The following TSNARE1 variants were observed in gnomAD, a reference collection of about 807,000 sequenced individuals.
TSNARE1 encodes t-SNARE domain containing 1, also known as t-SNARE domain-containing protein 1.
A neutral mutation model predicts 62.0 loss-of-function variants in TSNARE1; 49 were observed. The observed-to-expected ratio is 0.79, with a 90% CI of 0.63 to 1.00. The LOEUF is 1.00. TSNARE1 is among the 50% of genes least tolerant of loss of function. The pLI is 0.00. For synonymous variants in TSNARE1, 328 were observed against 294.4 expected (o/e 1.11, Z -1.17); for missense variants, 755 against 700.1 (o/e 1.08, Z -0.88).
chr8:142,385,192 C>T (rs1837030884), intron 1 of TSNARE1, among the ~76,000 whole-genome samples: 1 of 152,090 alleles, frequency 6.6e-6, no homozygotes, highest in Non-Finnish European at 1.5e-5. Context: ...TCTGAAACAA[C>T]ACTCGAGGTC....
intron 11 of TSNARE1, among the ~76,000 whole-genome samples, chr8:142,280,842 G>C (rs1332207557): frequency 6.6e-6 from 1 of 152,196 alleles, no homozygotes; most frequent in Non-Finnish European, 1.5e-5. Flanking sequence ...AGAGGAGGTG[G>C]TAAGGGAGTG....
In TSNARE1 at chr8:142,300,473, A is replaced by C; in HGVS notation, c.1290+13T>G. On this transcript the variant is annotated intron_variant, in intron 10 of 13. Coordinates refer to ENST00000524325, the MANE Select transcript of TSNARE1 (RefSeq NM_145003.5). Reference sequence around the variant, plus strand: ...GTGTGGAGAGTGAGCACGCTTGCCCACGCCAGCCTCACCTCCATCTGCAGG... The same window carrying C: ...GTGTGGAGAGTGAGCACGCTTGCCCCCGCCAGCCTCACCTCCATCTGCAGG... 6.3e-7 allele frequency: 1 copy of C among 1,596,008 alleles called. No individual in the cohort carries two copies. The highest frequency in any genetic ancestry group is 8.5e-7 in the Non-Finnish European group (1 of 1,175,318).
chr8:142,242,490 G>A (rs547766332), intron 12 of TSNARE1, among the ~76,000 whole-genome samples: 1 of 152,182 alleles, frequency 6.6e-6, no homozygotes, highest in Non-Finnish European at 1.5e-5. Context: ...CTGCAGAATG[G>A]GAGGAAATAT....
At position 142,315,070 on chromosome 8, in the gene TSNARE1, C is replaced by T. The variant is rs777694762; in HGVS notation, c.1007G>A (p.Arg336His). The stretch of plus-strand genomic sequence containing the variant: ...GGTTTTCAGCCGGTCCAGCTGAGGA[C>T]GCTCCTGCTGCAGACGCTCCTGCTG... ...SCPQERLQQE[R>H]PQLDRLKTQL... The change falls in exon 8 of 14, where the codon CGT (arginine) becomes CAT (histidine). Residue 336 changes from arginine to histidine, a missense_variant. Physicochemically the swap from Arg to His is conservative, Grantham distance 29. Transcript: ENST00000524325. 3.4e-5 allele frequency: 55 copies of T among 1,613,830 alleles called. No homozygotes were observed. The highest frequency in any genetic ancestry group is 1.6e-4 in the Middle Eastern group (1 of 6,080).
Position 142,330,897 on chromosome 8 carries a change from T to C in TSNARE1, c.893+4A>G. The C allele has an allele frequency of 6.2e-7, 1 of 1,613,944 alleles. No individual in the cohort carries two copies. On this transcript the variant is annotated splice_donor_region_variant and intron_variant, in intron 6 of 13. Coordinates refer to ENST00000524325, the MANE Select transcript of TSNARE1 (RefSeq NM_145003.5). ...CAAAGAGATACCATGGCCCACACACTCACAGGCTGTCCCGAAGCTCCTGCG... is the reference window on the plus strand; with the variant it reads ...CAAAGAGATACCATGGCCCACACACCCACAGGCTGTCCCGAAGCTCCTGCG...
chr8:142,233,745 C>G (rs144090275), intron 12 of TSNARE1, among the ~76,000 whole-genome samples: 13 of 152,294 alleles, frequency 8.5e-5, no homozygotes, highest in South Asian at 4.1e-4. Flanking sequence ...CCCTGCAGGG[C>G]GTACGCAAGG....
intron 2 of TSNARE1, among the ~76,000 whole-genome samples, chr8:142,351,726 A>T (rs535376883): frequency 1.3e-5 from 2 of 152,384 alleles, no homozygotes; most frequent in East Asian, 3.9e-4. Context: ...AACTATAGAA[A>T]TTAAGGTGGA....
At chr8:142,222,488 TCATC>T (rs1563755230) in intron 13 of TSNARE1, among the ~76,000 whole-genome samples, 2 of 21,338 alleles carry the variant, frequency 9.4e-5, no homozygotes, top group Non-Finnish European at 1.3e-4. Flanking sequence ...ACTCACTCAC[TCATC>T]CACTCACTCA....
chr8:142,344,490 G>A lies in TSNARE1; in HGVS notation c.239-18C>T, dbSNP rs1171565072. The A allele has an allele frequency of 1.3e-6, 2 of 1,508,284 alleles. No individual in the cohort carries two copies. The highest frequency in any genetic ancestry group is 1.8e-6 in the Non-Finnish European group (2 of 1,134,888). The allele number at this position is 1,508,284 out of a possible 1,614,324, so 93.4% of individuals were successfully genotyped here. On this transcript the variant is annotated intron_variant, in intron 3 of 13. Transcript: ENST00000524325. ...CCCAGGCCCTGGAAAGGCACCAAAAGGCGGATGTTTAAGGCCCTGGGCCTG... is the reference window on the plus strand; with the variant it reads ...CCCAGGCCCTGGAAAGGCACCAAAAAGCGGATGTTTAAGGCCCTGGGCCTG...
At chr8:142,347,813 C>T (rs1010089506) in intron 2 of TSNARE1, among the ~76,000 whole-genome samples, 2 of 139,512 alleles carry the variant, frequency 1.4e-5, no homozygotes, top group Non-Finnish European at 1.6e-5. Flanking sequence ...ACACTGCATC[C>T]GCTCACCCAA....
At chr8:142,351,068 T>C (rs1412217479) in intron 2 of TSNARE1, among the ~76,000 whole-genome samples, 1 of 152,178 alleles carries the variant, frequency 6.6e-6, no homozygotes, top group Non-Finnish European at 1.5e-5. Flanking sequence ...CGCTGAAATA[T>C]TACCAGATGA....
At chr8:142,285,738 T>G (rs1250005508) in intron 10 of TSNARE1, among the ~76,000 whole-genome samples, 1 of 152,122 alleles carries the variant, frequency 6.6e-6, no homozygotes, top group Admixed American at 6.5e-5. Flanking sequence ...CCAGGAGGAC[T>G]TCGGGTACCC....
intron 10 of TSNARE1, among the ~76,000 whole-genome samples, chr8:142,288,085 G>A (rs947910162): frequency 1.3e-5 from 2 of 152,246 alleles, no homozygotes; most frequent in Non-Finnish European, 2.9e-5. Flanking sequence ...CTGTGTCCCT[G>A]GGGGGAAGCA....
intron 10 of TSNARE1, among the ~76,000 whole-genome samples, chr8:142,288,216 G>A (rs757374422): frequency 2.0e-5 from 3 of 152,248 alleles, no homozygotes; most frequent in Admixed American, 6.5e-5. Context: ...CCAGCGGCTG[G>A]GGCGGGGTGG....
chr8:142,254,738 C>T (rs1475971983), intron 12 of TSNARE1, among the ~76,000 whole-genome samples: 2 of 152,190 alleles, frequency 1.3e-5, no homozygotes, highest in African/African-American at 4.8e-5. Context: ...GGGCAAGTCC[C>T]AGCCCCACCC....
At chr8:142,314,517 G>T in intron 8 of TSNARE1, 77 bp from the exon 9 acceptor site, 1 of 1,332,416 alleles carries the variant, frequency 7.5e-7, no homozygotes. Context: ...GGTCAGCTGA[G>T]TGCAGGGCTC....
At chr8:142,253,861 C>T (rs2130308708) in intron 12 of TSNARE1, among the ~76,000 whole-genome samples, 1 of 152,354 alleles carries the variant, frequency 6.6e-6, no homozygotes, top group South Asian at 2.1e-4. Context: ...GAGCCCGGAA[C>T]AGGACAGTGG....
chr8:142,299,708 TCACGCACG>T (rs1200128167), intron 10 of TSNARE1, among the ~76,000 whole-genome samples: 1 of 151,406 alleles, frequency 6.6e-6, no homozygotes, highest in South Asian at 2.1e-4. Flanking sequence ...ACACACGCAC[TCACGCACG>T]CACTCACATG....
At chr8:142,257,887 C>CG (rs1818663599) in intron 12 of TSNARE1, among the ~76,000 whole-genome samples, 1 of 152,106 alleles carries the variant, frequency 6.6e-6, no homozygotes, top group East Asian at 1.9e-4. Context: ...CTTGGTGCTC[C>CG]CACCCACTGC....
Sources: allele counts gnomAD v4.1 joint callset (sites outside exome capture counted in the v4.1 genomes callset), GRCh38; gene constraint gnomAD v4.1.1; transcripts MANE v1.5; gene names NCBI Gene and HGNC (gene_info 2026-07-23, HGNC 2026-07-21).